Variants in EXOSC2 observed in about 807,000 individuals in gnomAD.
EXOSC2 encodes the protein exosome complex component RRP4.
Under a neutral mutation model 37.6 loss-of-function variants are expected in EXOSC2, and 29 were observed. That is an observed-to-expected ratio of 0.77 (90% CI 0.57 to 1.05). EXOSC2 has a LOEUF of 1.05. EXOSC2 is among the 50% of genes least tolerant of loss of function. The probability of loss-of-function intolerance (pLI) is 0.00; values close to 1 mark genes in which losing one functional copy is unlikely to be tolerated. For missense variants in EXOSC2, 346 were observed against 365.6 expected (o/e 0.95, Z 0.44); for synonymous variants, 119 against 131.1 (o/e 0.91, Z 0.63).
intron 6 of EXOSC2, 23 bp downstream of exon 6, chr9:130,700,958 C>T (rs763343167): frequency 1.5e-5 from 24 of 1,612,732 alleles, no homozygotes; most frequent in Middle Eastern, 1.6e-4. Flanking sequence ...CTTGATGTTC[C>T]TGTTTGCTGA....
At chr9:130,696,836 T>C (rs953499428) in intron 2 of EXOSC2, among the ~76,000 whole-genome samples, 10 of 152,250 alleles carry the variant, frequency 6.6e-5, no homozygotes, top group African/African-American at 2.2e-4. Flanking sequence ...GTTTTTGGCC[T>C]GAGCAACTGA....
rs1588203210 is a variant in EXOSC2, at chr9:130,704,771, T to G, written c.*997T>G. 2.0e-5 allele frequency: 3 copies of G among 152,250 alleles called. No individual in the cohort carries two copies. In the South Asian group the frequency reaches 6.2e-4, roughly 32 times the overall value. The allele number at this position is 152,250 out of a possible 1,614,324, so 9.4% of individuals were successfully genotyped here. A position where few individuals can be genotyped will look rare whatever the true frequency, so the allele number is the denominator to read the frequency against. The stretch of plus-strand genomic sequence containing the variant: ...ATGGAGACTGGGAAAGCAAAGCTGT[T>G]TTCATCCTATAATTGAAGTAGTGTG... On this transcript the variant is annotated 3_prime_UTR_variant, in exon 9 of 9. Coordinates refer to ENST00000372358, the MANE Select transcript of EXOSC2 (RefSeq NM_014285.7).
At chr9:130,696,780 T>C (rs1208719754) in intron 2 of EXOSC2, among the ~76,000 whole-genome samples, 1 of 152,152 alleles carries the variant, frequency 6.6e-6, no homozygotes, top group Non-Finnish European at 1.5e-5. Flanking sequence ...CTACTGGACT[T>C]GTCCTGGAGC....
intron 6 of EXOSC2, 48 bp from the exon 7 acceptor site, chr9:130,702,086 C>G: frequency 6.3e-7 from 1 of 1,590,698 alleles, no homozygotes. Flanking sequence ...CCTTTTCATT[C>G]ATCCCGCCAA....
In EXOSC2 at chr9:130,694,532, C is replaced by G. The variant is rs1426015107; in HGVS notation, c.122+619C>G. On this transcript the variant is annotated intron_variant, in intron 1 of 8. Coordinates refer to ENST00000372358, the MANE Select transcript of EXOSC2 (RefSeq NM_014285.7). The surrounding 1 kb of genome is among the most constrained non-coding windows in gnomAD (Gnocchi z 4.0). ...AGATAGTGATAATAACAGTATGATA[C>G]GGTAATGAGGATTAAATGAGACAAT... 6.6e-6 allele frequency among the ~76,000 whole-genome samples: 1 copy of G among 151,964 alleles called. No individual in the cohort carries two copies. Among genetic ancestry groups the G allele is most frequent in the African/African-American group, 2.4e-5 (1 of 41,352 alleles).
At chr9:130,697,744 G>C in intron 3 of EXOSC2, 117 bp downstream of exon 3, 1 of 943,450 alleles carries the variant, frequency 1.1e-6, no homozygotes, top group Non-Finnish European at 1.7e-6. Flanking sequence ...TTTGGCCGTT[G>C]TGTGGCTTCT....
At chr9:130,701,619 AC>A in intron 6 of EXOSC2, 1 of 987,274 alleles carries the variant, frequency 1.0e-6, no homozygotes, top group Non-Finnish European at 1.2e-6. Context: ...GACTTTCACA[AC>A]CCTGGGTCCT....
rs1678999839 is a variant in EXOSC2 at position 130,699,394 on chromosome 9, T to C, written c.426T>C (p.Ser142=). The change falls in exon 5 of 9, where the codon AGT becomes AGC. Residue 142 remains serine, a splice_region_variant and synonymous_variant. Transcript: ENST00000372358. ...TCTTACAGGAAGGGGACCTTATCAG[T>C]GTATCCTGCGCTTTGCACTCCAGCC... is the stretch of plus-strand genomic sequence containing the variant. ...RGFLQEGDLI[S]AEVQAVFSDG... 6 of 1,614,010 alleles carry C rather than the reference T, an allele frequency of 3.7e-6. No homozygotes were observed. The highest frequency in any genetic ancestry group is 1.1e-5 in the South Asian group (1 of 91,092).
At chr9:130,696,837 G>A (rs1831107249) in intron 2 of EXOSC2, among the ~76,000 whole-genome samples, 1 of 152,134 alleles carries the variant, frequency 6.6e-6, no homozygotes, top group Non-Finnish European at 1.5e-5. Flanking sequence ...TTTTTGGCCT[G>A]AGCAACTGAG....
At chr9:130,702,058 A>G in intron 6 of EXOSC2, 76 bp from the exon 7 acceptor site, 1 of 1,533,026 alleles carries the variant, frequency 6.5e-7, no homozygotes, top group Non-Finnish European at 8.8e-7. Flanking sequence ...TATACTTAGG[A>G]TGTATATTCT....
chr9:130,700,823 T>C, intron 5 of EXOSC2, 44 bp from the exon 6 acceptor site: 1 of 1,595,030 alleles, frequency 6.3e-7, no homozygotes, highest in Non-Finnish European at 8.6e-7. Flanking sequence ...GACAGGACAG[T>C]GTGTGGCCAA....
chr9:130,702,645 A>G (rs1386574882), intron 7 of EXOSC2, among the ~76,000 whole-genome samples: 1 of 151,994 alleles, frequency 6.6e-6, no homozygotes, highest in African/African-American at 2.4e-5. Flanking sequence ...CCCAGGCTGG[A>G]GTGCAGTGGT....
intron 7 of EXOSC2, 32 bp downstream of exon 7, chr9:130,702,342 A>C (rs1241025604): frequency 1.3e-6 from 2 of 1,581,930 alleles, no homozygotes; most frequent in African/African-American, 1.4e-5. Context: ...TTTCAGTGGG[A>C]TGGAGGGGGC....
At chr9:130,701,109 T>C in intron 6 of EXOSC2, 174 bp downstream of exon 6, 2 of 619,028 alleles carry the variant, frequency 3.2e-6, no homozygotes, top group South Asian at 3.9e-5. Flanking sequence ...ACGGTCAGGG[T>C]TCACAGGGTC....
At chr9:130,699,946 A>G (rs1011803939) in intron 5 of EXOSC2, among the ~76,000 whole-genome samples, 1 of 152,194 alleles carries the variant, frequency 6.6e-6, no homozygotes, top group Admixed American at 6.5e-5. Context: ...GCTCAAGGCT[A>G]CAGTAAGCTA....
At chr9:130,696,108 C>T (rs1231013735) in intron 2 of EXOSC2, among the ~76,000 whole-genome samples, 2 of 152,160 alleles carry the variant, frequency 1.3e-5, no homozygotes, top group Non-Finnish European at 2.9e-5. Flanking sequence ...GATGATTTCC[C>T]CCCACTTGGC....
At chr9:130,701,113 C>G (rs1307213183) in intron 6 of EXOSC2, 178 bp downstream of exon 6, 1 of 614,260 alleles carries the variant, frequency 1.6e-6, no homozygotes, top group East Asian at 2.9e-5. Flanking sequence ...TCAGGGTTCA[C>G]AGGGTCATGG....
rs1438198920 is a variant in EXOSC2 at position 130,702,291 on chromosome 9, G to A, written c.653G>A (p.Gly218Asp). Residue 218 changes from glycine to aspartate, a missense_variant, in exon 7 of 9, where the codon GGC (glycine) becomes GAC (aspartate). By Grantham distance (94) the Gly-to-Asp change is moderately conservative. Transcript: ENST00000372358. Reference sequence around the variant, plus strand: ...GAGCACAAAGAAGAGGAAGCAGGGGGCTTCATTGCAAACCTGGAGGTGAGC... The same window carrying A: ...GAGCACAAAGAAGAGGAAGCAGGGGACTTCATTGCAAACCTGGAGGTGAGC... ...TPEHKEEEAGGFIANLEPVSL... is the reference protein window; with the variant it reads ...TPEHKEEEAGDFIANLEPVSL... 6.2e-7 allele frequency: 1 copy of A among 1,613,944 alleles called. No homozygotes were observed. Among genetic ancestry groups the A allele is most frequent in the Non-Finnish European group, 8.5e-7 (1 of 1,179,932 alleles).
chr9:130,695,405 G>T (rs1831070596), intron 1 of EXOSC2, 87 bp from the exon 2 acceptor site: 1 of 1,167,152 alleles, frequency 8.6e-7, no homozygotes, highest in East Asian at 2.4e-5. Flanking sequence ...GAGCCTGTTA[G>T]CTTTGAGGAA....
Sources: allele counts gnomAD v4.1 joint callset (sites outside exome capture counted in the v4.1 genomes callset), GRCh38; gene constraint gnomAD v4.1.1; non-coding constraint Gnocchi (gnomAD v3.1); transcripts MANE v1.5; gene names NCBI Gene and HGNC (gene_info 2026-07-23, HGNC 2026-07-21).